The following CDC14A variants were observed in gnomAD, a reference collection of about 807,000 sequenced individuals.
The protein encoded by CDC14A is dual specificity protein phosphatase CDC14A.
Under a neutral mutation model 74.4 loss-of-function variants are expected in CDC14A, and 53 were observed. The observed-to-expected ratio is 0.71, with a 90% CI of 0.57 to 0.89. The LOEUF is 0.89. Among genes scored for constraint, CDC14A ranks in the 40% least tolerant of loss-of-function variants. CDC14A has a pLI of 0.00. For synonymous variants in CDC14A, 247 were observed against 258.4 expected, an observed-to-expected ratio of 0.96 and a Z score of 0.43; for missense variants, 646 against 713.7, an observed-to-expected ratio of 0.91 and a Z score of 1.08.
At position 100,386,165 on chromosome 1, in the gene CDC14A, T is replaced by TAA. The variant is rs559078931; in HGVS notation, c.217-4554_217-4553dup. On this transcript the variant is annotated intron_variant, in intron 3 of 15. Coordinates refer to ENST00000336454, the MANE Select transcript of CDC14A (RefSeq NM_003672.4). ...CTGGGTGACAGAGTGAGATAGTATT[T>TAA]AAAAAAAAAAAAAAGAAGAGTATTT... is the stretch of plus-strand genomic sequence containing the variant. Among the ~76,000 whole-genome samples the TAA allele has an allele frequency of 4.6e-3, 647 of 140,726 alleles. 6 individuals are homozygous for TAA. The highest frequency in any genetic ancestry group is 0.016 in the African/African-American group (609 of 38,494). 92.3% of individuals were successfully genotyped at this position (140,726 alleles called of 152,430 possible).
chr1:100,420,063 C>CACACAT, intron 4 of CDC14A, among the ~76,000 whole-genome samples: 1,560 of 61,558 alleles, frequency 0.025, 55 homozygotes, highest in Non-Finnish European at 0.042. Context: ...CACACACACA[C>CACACAT]ATATATATAT....
chr1:100,484,561 C>T, intron 11 of CDC14A, 110 bp downstream of exon 11: 1 of 1,342,164 alleles, frequency 7.5e-7, no homozygotes, highest in African/African-American at 1.5e-5. Flanking sequence ...CCACGAGTAC[C>T]AAGTTTTTAG....
intron 11 of CDC14A, among the ~76,000 whole-genome samples, chr1:100,489,214 C>T (rs1304820847): frequency 1.3e-5 from 2 of 152,190 alleles, no homozygotes; most frequent in African/African-American, 4.8e-5. Context: ...AGAGATGACC[C>T]AGCCACCTTT....
chr1:100,466,726 C>T (rs1393612179), intron 9 of CDC14A, among the ~76,000 whole-genome samples: 4 of 151,876 alleles, frequency 2.6e-5, no homozygotes, highest in African/African-American at 4.8e-5. Flanking sequence ...CAAAATTAGC[C>T]GGGCATGGTG....
intron 15 of CDC14A, among the ~76,000 whole-genome samples, chr1:100,506,274 G>T (rs1479129639): frequency 6.6e-6 from 1 of 152,076 alleles, no homozygotes; most frequent in East Asian, 1.9e-4. Context: ...TGTTGCTGTG[G>T]TTTTTCATCC....
intron 7 of CDC14A, among the ~76,000 whole-genome samples, chr1:100,446,412 A>G (rs1204002326): frequency 1.3e-5 from 2 of 152,224 alleles, no homozygotes; most frequent in East Asian, 1.9e-4. Context: ...TTTGTTGTGT[A>G]AAGTCTACAG....
intron 15 of CDC14A, among the ~76,000 whole-genome samples, chr1:100,509,191 C>A (rs902969103): frequency 1.3e-5 from 2 of 152,148 alleles, no homozygotes; most frequent in Non-Finnish European, 2.9e-5. Flanking sequence ...TGCTTCTCAC[C>A]TCCTTTCCAT....
chr1:100,501,598 G>A (rs780159332), intron 15 of CDC14A, among the ~76,000 whole-genome samples: 18 of 152,148 alleles, frequency 1.2e-4, no homozygotes, highest in Non-Finnish European at 2.5e-4. Context: ...ACCTGTTACT[G>A]GCCTATGTAT....
At chr1:100,431,516 T>C (rs918853411) in intron 5 of CDC14A, among the ~76,000 whole-genome samples, 12 of 152,052 alleles carry the variant, frequency 7.9e-5, no homozygotes, top group African/African-American at 2.7e-4. Flanking sequence ...AATACCTGAG[T>C]TAAAACCAAT....
chr1:100,394,376 C>T (rs1658169426), intron 4 of CDC14A, among the ~76,000 whole-genome samples: 1 of 152,158 alleles, frequency 6.6e-6, no homozygotes, highest in African/African-American at 2.4e-5. Context: ...CTCTGGCCTC[C>T]CAAAGTGCTG....
At chr1:100,436,228 GT>G (rs1468547901) in intron 5 of CDC14A, among the ~76,000 whole-genome samples, 1 of 152,110 alleles carries the variant, frequency 6.6e-6, no homozygotes, top group East Asian at 1.9e-4. Flanking sequence ...CCATTAGATG[GT>G]CCCGACTATA....
At position 100,508,309 on chromosome 1, in the gene CDC14A, A is replaced by T. The variant is rs74104809; in HGVS notation, c.1755+9047A>T. 0.043 allele frequency among the ~76,000 whole-genome samples: 6,497 copies of T among 151,148 alleles called. 233 individuals carry two copies. Among genetic ancestry groups the T allele is most frequent in the Admixed American group, 0.12 (1,760 of 15,190 alleles). On this transcript the variant is annotated intron_variant, in intron 15 of 15. Coordinates refer to ENST00000336454, the MANE Select transcript of CDC14A (RefSeq NM_003672.4). This position sits in a 1 kb window ranked among gnomAD's most constrained non-coding sequence, Gnocchi z 4.4. Reference sequence around the variant, plus strand: ...TGTATATATATAGATATATATATATATTTTTTTCACTTGAAGGATCTCAGG... The same window carrying T: ...TGTATATATATAGATATATATATATTTTTTTTTCACTTGAAGGATCTCAGG...
At chr1:100,500,323 T>G (rs1156241890) in intron 15 of CDC14A, among the ~76,000 whole-genome samples, 1 of 152,152 alleles carries the variant, frequency 6.6e-6, no homozygotes, top group Non-Finnish European at 1.5e-5. Context: ...AGCCATCATC[T>G]AGGGAGTGCC....
intron 15 of CDC14A, among the ~76,000 whole-genome samples, chr1:100,501,217 A>C (rs1170786018): frequency 2.0e-5 from 3 of 152,240 alleles, no homozygotes; most frequent in Admixed American, 6.5e-5. Flanking sequence ...TATAAATCAT[A>C]TACTTTCCAG....
chr1:100,402,548 G>GA (rs1383033962), intron 4 of CDC14A, among the ~76,000 whole-genome samples: 3 of 151,674 alleles, frequency 2.0e-5, no homozygotes, highest in Non-Finnish European at 2.9e-5. Flanking sequence ...ATCTTAATTA[G>GA]AAAAAAAAGA....
intron 7 of CDC14A, among the ~76,000 whole-genome samples, chr1:100,453,592 A>G (rs923107537): frequency 6.6e-6 from 1 of 152,192 alleles, no homozygotes; most frequent in Admixed American, 6.5e-5. Flanking sequence ...TCACATGTGC[A>G]ATCATAACAC....
intron 15 of CDC14A, chr1:100,504,883 C>T: frequency 2.0e-6 from 3 of 1,535,378 alleles, no homozygotes; most frequent in Non-Finnish European, 1.7e-6. Flanking sequence ...ACCAATTTCT[C>T]ATCTTTAAAT....
At position 100,479,353 on chromosome 1, in the gene CDC14A, G is replaced by A. The variant is rs568199994; in HGVS notation, c.978-4939G>A. On this transcript the variant is annotated intron_variant, in intron 10 of 15. Coordinates refer to ENST00000336454, the MANE Select transcript of CDC14A (RefSeq NM_003672.4). ...GGATGAATTGTATAGCATGAACTCC[G>A]AGATTTTAGTGCACCCATCACCTAA... Among the ~76,000 whole-genome samples the A allele has an allele frequency of 5.3e-5, 8 of 152,164 alleles. No homozygotes were observed. In the South Asian group the frequency reaches 1.0e-3, roughly 20 times the overall value.
upstream of CDC14A, among the ~76,000 whole-genome samples, chr1:100,349,957 A>ATT (rs1190102465): frequency 7.7e-6 from 1 of 129,338 alleles, no homozygotes; most frequent in African/African-American, 3.0e-5. Flanking sequence ...TAAGTTTTGT[A>ATT]TTTTTTTTTT....
Sources: gnomAD v4.1 joint callset for allele counts (sites outside exome capture counted in the v4.1 genomes callset) on GRCh38, gnomAD v4.1.1 for gene constraint, Gnocchi (gnomAD v3.1) non-coding constraint, MANE v1.5 for transcripts, NCBI Gene and HGNC (gene_info 2026-07-23, HGNC 2026-07-21) for gene names.